Variants in FHIT observed in about 807,000 individuals in gnomAD.
FHIT encodes the protein bis(5'-adenosyl)-triphosphatase.
FHIT carries 19 observed loss-of-function variants against 17.9 expected under a neutral mutation model. The ratio of observed to expected loss-of-function variants is 1.06; its 90% CI spans 0.74 to 1.56. The LOEUF is 1.56. FHIT is among the 40% of genes most tolerant of loss of function. The probability of loss-of-function intolerance (pLI) is 0.00; values close to 1 mark genes in which losing one functional copy is unlikely to be tolerated. For synonymous variants in FHIT, 81 were observed against 69.7 expected (o/e 1.16, Z -0.81); for missense variants, 248 against 189.2 (o/e 1.31, Z -1.82).
At chr3:60,494,655 C>G (rs1173248143) in intron 5 of FHIT, among the ~76,000 whole-genome samples, 1 of 152,140 alleles carries the variant, frequency 6.6e-6, no homozygotes, top group East Asian at 1.9e-4. Context: ...GGTAATACTC[C>G]TTCTACTTAC....
intron 2 of FHIT, among the ~76,000 whole-genome samples, chr3:61,150,929 A>C (rs1202917023): frequency 2.0e-5 from 3 of 152,234 alleles, no homozygotes; most frequent in African/African-American, 7.2e-5. Flanking sequence ...GGATACCACC[A>C]AATTGCATTC....
intron 3 of FHIT, among the ~76,000 whole-genome samples, chr3:60,998,021 T>C (rs1182114297): frequency 6.6e-6 from 1 of 152,232 alleles, no homozygotes; most frequent in Admixed American, 6.5e-5. Flanking sequence ...ACCTCTGAGA[T>C]AAATATCACT....
At chr3:60,301,373 G>C (rs1157229591) in intron 5 of FHIT, among the ~76,000 whole-genome samples, 1 of 152,106 alleles carries the variant, frequency 6.6e-6, no homozygotes, top group Non-Finnish European at 1.5e-5. Flanking sequence ...TCTGCATTAT[G>C]ACTCATGAAA....
chr3:61,237,769 AT>A (rs1025329257), intron 1 of FHIT, among the ~76,000 whole-genome samples: 1 of 152,128 alleles, frequency 6.6e-6, no homozygotes, highest in Non-Finnish European at 1.5e-5. Context: ...TATCATCTCC[AT>A]TTTACAGGAA....
chr3:60,823,198 T>C (rs1287236713), intron 3 of FHIT, among the ~76,000 whole-genome samples: 1 of 152,062 alleles, frequency 6.6e-6, no homozygotes, highest in Non-Finnish European at 1.5e-5. Flanking sequence ...ACAAACAAAA[T>C]ACATATGTAA....
intron 1 of FHIT, among the ~76,000 whole-genome samples, chr3:61,230,674 A>G (rs1477846045): frequency 1.3e-5 from 2 of 152,180 alleles, no homozygotes; most frequent in Non-Finnish European, 2.9e-5. Flanking sequence ...AAACCATAAT[A>G]TTGTTTTTAA....
intron 4 of FHIT, among the ~76,000 whole-genome samples, chr3:60,619,692 G>A (rs1455892102): frequency 6.7e-6 from 1 of 148,610 alleles, no homozygotes; most frequent in African/African-American, 2.5e-5. Context: ...AGACCTAAAT[G>A]TAAAATGTAA....
In FHIT at chr3:60,442,587, G is replaced by A. The variant is rs1028439745; in HGVS notation, c.103+94273C>T. On this transcript the variant is annotated intron_variant, in intron 5 of 9. Coordinates refer to ENST00000492590, the MANE Select transcript of FHIT (RefSeq NM_002012.4). ...TGCCTAAGATCAGATAGTTGTAGAT[G>A]TGTGGTATTATTTCTGAGGGCTCTG... 5.3e-5 allele frequency among the ~76,000 whole-genome samples: 8 copies of A among 152,226 alleles called. No individual in the cohort carries two copies. The East Asian group carries it at 5.8e-4, about 11-fold the overall frequency.
chr3:61,136,876 T>G (rs891173684), intron 2 of FHIT, among the ~76,000 whole-genome samples: 1 of 152,212 alleles, frequency 6.6e-6, no homozygotes, highest in African/African-American at 2.4e-5. Context: ...GTGAAAATGA[T>G]ATGTCAATGG....
chr3:61,118,250 G>C (rs74474156), intron 2 of FHIT, among the ~76,000 whole-genome samples: 1 of 152,136 alleles, frequency 6.6e-6, no homozygotes, highest in Non-Finnish European at 1.5e-5. Context: ...CACACAAAAG[G>C]TCTCAACTTA....
At chr3:60,878,582 C>T (rs565972371) in intron 3 of FHIT, among the ~76,000 whole-genome samples, 13 of 151,964 alleles carry the variant, frequency 8.6e-5, no homozygotes, top group East Asian at 3.9e-4. Flanking sequence ...TGTTACTGTG[C>T]GGCACCCATT....
chr3:60,226,484 A>AAAAAAAAAAC, intron 5 of FHIT, among the ~76,000 whole-genome samples: 1 of 151,056 alleles, frequency 6.6e-6, no homozygotes, highest in East Asian at 1.9e-4. Flanking sequence ...AAAAAAAAAA[A>AAAAAAAAAAC]AAAAAAAAAA....
intron 4 of FHIT, among the ~76,000 whole-genome samples, chr3:60,618,553 G>C (rs138584777): frequency 6.6e-6 from 1 of 152,142 alleles, no homozygotes; most frequent in East Asian, 1.9e-4. Flanking sequence ...CCGTTCCTGC[G>C]TTAATTTGCT....
At chr3:60,645,893 G>C (rs1299822596) in intron 4 of FHIT, among the ~76,000 whole-genome samples, 1 of 152,124 alleles carries the variant, frequency 6.6e-6, no homozygotes, top group Admixed American at 6.6e-5. Context: ...AGCTTACCTT[G>C]AGAATTTTTC....
chr3:60,237,262 A>ATTT (rs201958097), intron 5 of FHIT, among the ~76,000 whole-genome samples: 6,193 of 124,750 alleles, frequency 0.05, 181 homozygotes, highest in Middle Eastern at 0.096. Flanking sequence ...TTGTTTTTCC[A>ATTT]TTTTTTTTTT....
rs189937326 is a variant in FHIT at position 60,924,727 on chromosome 3, A to T, written c.-110-102716T>A. 7.5e-4 allele frequency among the ~76,000 whole-genome samples: 115 copies of T among 152,360 alleles called. 4 individuals are homozygous for T. In the East Asian group the frequency reaches 0.02, roughly 26 times the overall value. On this transcript the variant is annotated intron_variant, in intron 3 of 9. Coordinates refer to ENST00000492590, the MANE Select transcript of FHIT (RefSeq NM_002012.4). ...GACGGAGAATGACTTTGACGAGTTG[A>T]GAGAAGAAGGCTTCAGACGATCAAA...
chr3:61,064,506 G>T (rs1361379467), intron 2 of FHIT, among the ~76,000 whole-genome samples: 4 of 152,112 alleles, frequency 2.6e-5, no homozygotes, highest in Non-Finnish European at 5.9e-5. Context: ...GTGATTTATG[G>T]TACTATTAGT....
At chr3:59,838,698 G>C (rs751503593) in intron 8 of FHIT, among the ~76,000 whole-genome samples, 2 of 152,172 alleles carry the variant, frequency 1.3e-5, no homozygotes, top group East Asian at 1.9e-4. Flanking sequence ...CTGTGTCTCA[G>C]GTTCCTTATC....
At chr3:60,010,084 C>G (rs1312886012) in intron 7 of FHIT, among the ~76,000 whole-genome samples, 3 of 152,146 alleles carry the variant, frequency 2.0e-5, no homozygotes, top group Admixed American at 2.0e-4. Flanking sequence ...CATAGTGCAT[C>G]TAACTAATCC....
Sources: gnomAD v4.1 joint callset for allele counts (sites outside exome capture counted in the v4.1 genomes callset) on GRCh38, gnomAD v4.1.1 for gene constraint, MANE v1.5 for transcripts, NCBI Gene and HGNC (gene_info 2026-07-23, HGNC 2026-07-21) for gene names.